Variants in RARB observed in about 807,000 individuals in gnomAD.
RARB encodes the protein HBV-activated protein.
RARB carries 17 observed loss-of-function variants against 51.9 expected under a neutral mutation model. The observed-to-expected ratio is 0.33, with a 90% CI of 0.22 to 0.49. RARB has a LOEUF of 0.49. RARB is among the 20% of genes least tolerant of loss of function. The pLI is 0.99. For missense variants in RARB, 369 were observed against 550.8 expected (o/e 0.67, Z 3.30); for synonymous variants, 215 against 195.4 (o/e 1.10, Z -0.84).
chr3:25,009,324 T>C lies in RARB; in HGVS notation c.-379-50801T>C, dbSNP rs140890676. Among the ~76,000 whole-genome samples the C allele has an allele frequency of 1.4e-3, 208 of 152,294 alleles. 1 individual carries two copies. Among genetic ancestry groups the C allele is most frequent in the African/African-American group, 4.8e-3 (200 of 41,572 alleles). ...TTAGTTAATGAAGCAGTTTTCTCTT[T>C]AAAGGTAATCATACATGTCATTTTT... is the stretch of plus-strand genomic sequence containing the variant. On this transcript the variant is annotated intron_variant, in intron 2 of 11. Transcript: ENST00000383772.
At chr3:24,904,391 G>A (rs963272383) in intron 2 of RARB, among the ~76,000 whole-genome samples, 5 of 152,140 alleles carry the variant, frequency 3.3e-5, no homozygotes, top group Admixed American at 6.5e-5. Flanking sequence ...CATTTATGCA[G>A]CCAACAAACA....
At chr3:25,106,455 T>TGG (rs766938933) in intron 3 of RARB, among the ~76,000 whole-genome samples, 30,140 of 84,238 alleles carry the variant, frequency 0.36, 6,983 homozygotes, top group East Asian at 0.67. Context: ...TTTTTTGTTT[T>TGG]TTGTTTTTTT....
intron 5 of RARB, among the ~76,000 whole-genome samples, chr3:25,271,354 G>T (rs1339130827): frequency 6.6e-6 from 1 of 152,100 alleles, no homozygotes; most frequent in Non-Finnish European, 1.5e-5. Flanking sequence ...TGCCATATAG[G>T]ATAAGCATAC....
chr3:25,204,825 G>A (rs1319528106), intron 5 of RARB, among the ~76,000 whole-genome samples: 1 of 152,198 alleles, frequency 6.6e-6, no homozygotes, highest in African/African-American at 2.4e-5. Context: ...TGACGTGTCA[G>A]TCTGCCCCTA....
rs566328240 is a variant in RARB at position 25,244,850 on chromosome 3, C to T, written c.178+70275C>T. Among the ~76,000 whole-genome samples, 4 of 152,266 alleles carry T rather than the reference C, an allele frequency of 2.6e-5. No homozygotes were observed. The South Asian group carries it at 8.3e-4, about 32-fold the overall frequency. ...GGTCTTCTTGGTCCAGAGCTGAGTTCAAGTCCCAAATATCCTTGTTAATTT... is the reference window on the plus strand; with the variant it reads ...GGTCTTCTTGGTCCAGAGCTGAGTTTAAGTCCCAAATATCCTTGTTAATTT... On this transcript the variant is annotated intron_variant, in intron 5 of 11. Coordinates refer to the RARB transcript ENST00000383772.
chr3:25,065,717 G>T (rs1698647432), intron 3 of RARB, among the ~76,000 whole-genome samples: 1 of 152,176 alleles, frequency 6.6e-6, no homozygotes, highest in African/African-American at 2.4e-5. Flanking sequence ...CTGAGAATCT[G>T]GCATGCAAAT....
chr3:25,012,312 G>A (rs1046648419), intron 2 of RARB, among the ~76,000 whole-genome samples: 17 of 152,070 alleles, frequency 1.1e-4, no homozygotes, highest in African/African-American at 4.1e-4. Context: ...AAAAGAAAGT[G>A]GTTCACAAAT....
At chr3:25,332,846 A>T (rs988969293) in intron 5 of RARB, among the ~76,000 whole-genome samples, 3 of 152,220 alleles carry the variant, frequency 2.0e-5, no homozygotes, top group Admixed American at 2.0e-4. Flanking sequence ...TACAAAATCA[A>T]CGTGCAAAAA....
intron 5 of RARB, among the ~76,000 whole-genome samples, chr3:25,379,910 T>G (rs975331431): frequency 2.6e-5 from 4 of 152,114 alleles, no homozygotes; most frequent in African/African-American, 9.7e-5. Flanking sequence ...CTCAGATAAC[T>G]TTCCTTGGGG....
At chr3:25,291,321 C>T (rs148435555) in intron 5 of RARB, among the ~76,000 whole-genome samples, 5 of 152,284 alleles carry the variant, frequency 3.3e-5, no homozygotes, top group Admixed American at 3.3e-4. Flanking sequence ...ATAAACTGCA[C>T]TTGCAGAAAC....
intron 3 of RARB, among the ~76,000 whole-genome samples, chr3:25,075,603 G>T (rs988382219): frequency 2.0e-5 from 3 of 151,152 alleles, no homozygotes; most frequent in Non-Finnish European, 4.4e-5. Context: ...TAATTGCTAA[G>T]AACCCTCTTA....
At chr3:25,306,821 G>A (rs1049586854) in intron 5 of RARB, among the ~76,000 whole-genome samples, 18 of 152,168 alleles carry the variant, frequency 1.2e-4, no homozygotes, top group African/African-American at 4.1e-4. Context: ...TGCTGATAGT[G>A]GGATGGGTTG....
At chr3:24,968,126 T>C (rs1696317362) in intron 2 of RARB, among the ~76,000 whole-genome samples, 1 of 152,166 alleles carries the variant, frequency 6.6e-6, no homozygotes, top group Non-Finnish European at 1.5e-5. Flanking sequence ...ATTGTAATTC[T>C]TGAAAATAAC....
chr3:24,936,996 T>A (rs758473377), intron 2 of RARB, among the ~76,000 whole-genome samples: 1 of 152,218 alleles, frequency 6.6e-6, no homozygotes, highest in Non-Finnish European at 1.5e-5. Context: ...GCCAGTCATA[T>A]ATGACTGTTG....
At chr3:24,943,010 C>T (rs190541334) in intron 2 of RARB, among the ~76,000 whole-genome samples, 4 of 152,102 alleles carry the variant, frequency 2.6e-5, no homozygotes, top group Non-Finnish European at 4.4e-5. Context: ...ATGAAAAATC[C>T]GTAGGAAGAC....
chr3:25,431,164 G>A (rs562487783), intron 1 of RARB, among the ~76,000 whole-genome samples: 1 of 152,098 alleles, frequency 6.6e-6, no homozygotes, highest in South Asian at 2.1e-4. Context: ...ATTTTGACGA[G>A]AAGCAGATCT....
At chr3:25,244,094 A>G (rs997499964) in intron 5 of RARB, among the ~76,000 whole-genome samples, 1 of 151,922 alleles carries the variant, frequency 6.6e-6, no homozygotes, top group Non-Finnish European at 1.5e-5. Flanking sequence ...TAGTTTATTT[A>G]TGTAAAAGTG....
chr3:25,032,610 GA>G (rs1346662525), intron 2 of RARB, among the ~76,000 whole-genome samples: 1 of 152,202 alleles, frequency 6.6e-6, no homozygotes. Context: ...GGCTGAGGGT[GA>G]AAAGCTTCAA....
chr3:25,187,822 A>G (rs886796000), intron 5 of RARB, among the ~76,000 whole-genome samples: 3 of 152,122 alleles, frequency 2.0e-5, no homozygotes, highest in African/African-American at 4.8e-5. Context: ...TATTTTACCT[A>G]TGACTTTACA....
Sources: allele counts gnomAD v4.1 joint callset (sites outside exome capture counted in the v4.1 genomes callset), GRCh38; gene constraint gnomAD v4.1.1; transcripts MANE v1.5; gene names NCBI Gene and HGNC (gene_info 2026-07-23, HGNC 2026-07-21).